Variants in SH3D19 observed in about 807,000 individuals in gnomAD.
The protein encoded by SH3D19 is SH3 domain-containing protein 19.
SH3D19 carries 58 observed loss-of-function variants against 112.1 expected under a neutral mutation model. The observed-to-expected ratio is 0.52, with a 90% CI of 0.42 to 0.64. The LOEUF is 0.64. SH3D19 is among the 30% of genes least tolerant of loss of function. SH3D19 has a pLI of 0.00. For missense variants in SH3D19, 1,090 were observed against 1,263.4 expected (o/e 0.86, Z 2.08); for synonymous variants, 391 against 448.5 (o/e 0.87, Z 1.62).
At chr4:151,122,240 T>G in intron 19 of SH3D19, 33 bp from the exon 20 acceptor site, 27 of 1,215,852 alleles carry the variant, frequency 2.2e-5, no homozygotes, top group Middle Eastern at 1.9e-4. Flanking sequence ...ATTACTGGTT[T>G]CTGTTGAGAA....
chr4:151,206,578 G>A (rs552421970), intron 2 of SH3D19, among the ~76,000 whole-genome samples: 2 of 152,166 alleles, frequency 1.3e-5, no homozygotes, highest in African/African-American at 4.8e-5. Context: ...TATAGTTTTG[G>A]TAGTCCTAAA....
At chr4:151,193,121 C>G (rs1341341472) in intron 2 of SH3D19, among the ~76,000 whole-genome samples, 7 of 151,758 alleles carry the variant, frequency 4.6e-5, no homozygotes, top group Non-Finnish European at 1.0e-4. Flanking sequence ...TTAAATAGTA[C>G]TAGTTATTCC....
chr4:151,310,237 G>A (rs1010299468), intron 1 of SH3D19, among the ~76,000 whole-genome samples: 1 of 148,794 alleles, frequency 6.7e-6, no homozygotes, highest in Non-Finnish European at 1.5e-5. Context: ...AAAAATTACT[G>A]GTGGTGCACA....
chr4:151,234,703 T>C (rs1177942067), intron 1 of SH3D19, among the ~76,000 whole-genome samples: 1 of 151,382 alleles, frequency 6.6e-6, no homozygotes, highest in Non-Finnish European at 1.5e-5. Flanking sequence ...TTTTCTTTCC[T>C]TTTTTGGTTT....
intron 1 of SH3D19, among the ~76,000 whole-genome samples, chr4:151,242,041 A>T (rs2149968542): frequency 6.6e-6 from 1 of 151,972 alleles, no homozygotes; most frequent in East Asian, 1.9e-4. Flanking sequence ...AAAACAAAAA[A>T]TTTGGCAGGC....
intron 1 of SH3D19, among the ~76,000 whole-genome samples, chr4:151,295,523 C>T (rs1036212386): frequency 3.9e-5 from 6 of 152,204 alleles, no homozygotes; most frequent in South Asian, 2.1e-4. Flanking sequence ...CCTTTGACTT[C>T]GGAATTCATC....
In SH3D19 at chr4:151,165,773, A is replaced by G. The variant is rs747734294; in HGVS notation, c.1535-77T>C. 3 of 1,308,012 alleles carry G rather than the reference A, an allele frequency of 2.3e-6. No homozygotes were observed. The Admixed American group carries it at 5.5e-5, about 24-fold the overall frequency. 81.0% of individuals were successfully genotyped at this position (1,308,012 alleles called of 1,614,324 possible). A position where few individuals can be genotyped will look rare whatever the true frequency, so the allele number is the denominator to read the frequency against. On this transcript the variant is annotated intron_variant, in intron 7 of 19. Transcript: ENST00000604030. ...CAAAAAACCTCATTCATAATTTAAGAGTCATATTTTTCATGCCCCTGGGGA... is the reference window on the plus strand; with the variant it reads ...CAAAAAACCTCATTCATAATTTAAGGGTCATATTTTTCATGCCCCTGGGGA...
chr4:151,285,905 A>T (rs905730018), intron 1 of SH3D19, among the ~76,000 whole-genome samples: 1 of 151,508 alleles, frequency 6.6e-6, no homozygotes, highest in South Asian at 2.1e-4. Context: ...AAATAAAACT[A>T]AAAAAAAGGC....
intron 3 of SH3D19, 39 bp downstream of exon 3, chr4:151,187,384 T>C (rs1022443791): frequency 1.8e-6 from 2 of 1,139,048 alleles, no homozygotes; most frequent in African/African-American, 3.2e-5. Flanking sequence ...CTTAAAATTA[T>C]TACAGAGGAA....
chr4:151,143,827 C>A, intron 12 of SH3D19, 83 bp downstream of exon 12: 2 of 1,430,652 alleles, frequency 1.4e-6, no homozygotes, highest in South Asian at 2.9e-5. Flanking sequence ...CTAATAAAAA[C>A]CTGAAGATGA....
intron 1 of SH3D19, chr4:151,227,807 T>C: frequency 2.0e-6 from 2 of 985,508 alleles, no homozygotes; most frequent in Non-Finnish European, 2.4e-6. Context: ...TCATTTCCTG[T>C]GGCTGTGATC....
chr4:151,285,375 A>C (rs1020867409), intron 1 of SH3D19, among the ~76,000 whole-genome samples: 6 of 152,342 alleles, frequency 3.9e-5, no homozygotes, highest in Non-Finnish European at 8.8e-5. Flanking sequence ...AGCCTCAATA[A>C]AGTTGGAAGG....
At chr4:151,299,104 T>A (rs1479818883) in intron 1 of SH3D19, among the ~76,000 whole-genome samples, 2 of 152,230 alleles carry the variant, frequency 1.3e-5, no homozygotes, top group African/African-American at 4.8e-5. Context: ...CTTTTTAAAA[T>A]TAGTTTATGA....
intron 1 of SH3D19, among the ~76,000 whole-genome samples, chr4:151,254,210 T>G (rs1004292299): frequency 2.0e-5 from 3 of 152,216 alleles, no homozygotes; most frequent in Non-Finnish European, 4.4e-5. Context: ...TTAGAATTAC[T>G]TTAAAATTTT....
intron 1 of SH3D19, among the ~76,000 whole-genome samples, chr4:151,303,029 A>G (rs1728602948): frequency 1.3e-5 from 2 of 152,182 alleles, no homozygotes; most frequent in African/African-American, 4.8e-5. Flanking sequence ...GAAAAAAGAA[A>G]AAAAGAATGC....
intron 1 of SH3D19, among the ~76,000 whole-genome samples, chr4:151,231,354 T>TA (rs1769594326): frequency 2.0e-5 from 3 of 152,140 alleles, no homozygotes; most frequent in Admixed American, 2.0e-4. Context: ...CAAATATATA[T>TA]ATATATTTCA....
intron 1 of SH3D19, among the ~76,000 whole-genome samples, chr4:151,285,411 C>T (rs1188930911): frequency 6.6e-6 from 1 of 152,076 alleles, no homozygotes. Flanking sequence ...ATTATATTTT[C>T]TAATCACAAT....
chr4:151,263,790 T>TTTGTTG (rs145008066), intron 1 of SH3D19, among the ~76,000 whole-genome samples: 10 of 151,064 alleles, frequency 6.6e-5, no homozygotes, highest in Admixed American at 2.6e-4. Flanking sequence ...AGCTACAGTT[T>TTTGTTG]TTGTTGTTGT....
chr4:151,255,711 C>T (rs1250648574), intron 1 of SH3D19, among the ~76,000 whole-genome samples: 7 of 152,300 alleles, frequency 4.6e-5, no homozygotes, highest in South Asian at 4.1e-4. Flanking sequence ...GCCGAGATCA[C>T]GCCACTGCAC....
Sources: allele counts gnomAD v4.1 joint callset (sites outside exome capture counted in the v4.1 genomes callset), GRCh38; gene constraint gnomAD v4.1.1; transcripts MANE v1.5; gene names NCBI Gene and HGNC (gene_info 2026-07-23, HGNC 2026-07-21).